Variants in PANK4 observed in about 807,000 individuals in gnomAD.
PANK4 encodes pantothenate kinase 4 (inactive), also known as 4'-phosphopantetheine phosphatase.
Under a neutral mutation model 87.9 loss-of-function variants are expected in PANK4, and 40 were observed. The ratio of observed to expected loss-of-function variants is 0.46; its 90% confidence interval spans 0.35 to 0.59. The LOEUF (loss-of-function observed/expected upper bound fraction) is 0.59, where lower values mean the gene tolerates loss of function less well. PANK4 is among the 20% of genes least tolerant of loss of function. The pLI is 0.00. For missense variants in PANK4, 926 were observed against 1,072.3 expected, an observed-to-expected ratio of 0.86 and a Z score of 1.90; for synonymous variants, 524 against 467.4, an observed-to-expected ratio of 1.12 and a Z score of -1.56.
rs768050088 is a variant in PANK4, at chr1:2,519,178, G to C, written c.1000C>G (p.Arg334Gly). 1.9e-6 allele frequency: 3 copies of C among 1,612,704 alleles called. No individual in the cohort carries two copies. Among genetic ancestry groups the C allele is most frequent in the Non-Finnish European group, 2.5e-6 (3 of 1,179,888 alleles). Reference sequence around the variant, plus strand: ...AAGTTGATGCTATAGGTGATGGTGCGCATGGTCACGGGGTGGCCCCGGATA... The same window carrying C: ...AAGTTGATGCTATAGGTGATGGTGCCCATGGTCACGGGGTGGCCCCGGATA... ...FFIRGHPVTM[R>G]TITYSINFFS... The change falls in exon 7 of 19, where the codon CGC becomes GGC. Residue 334 changes from arginine (R) to glycine (G), a missense_variant. Physicochemically the swap from Arg to Gly is moderately radical, Grantham distance 125 (BLOSUM62 -2). Transcript: ENST00000378466. This position sits in a 1 kb window ranked among gnomAD's most constrained non-coding sequence, Gnocchi z 8.3.
At position 2,508,630 on chromosome 1, in the gene PANK4, A is replaced by ATAT; in HGVS notation, c.*216_*217insATA. On this transcript the variant is annotated 3_prime_UTR_variant, in exon 19 of 19. Transcript: ENST00000378466. This position sits in a 1 kb window ranked among gnomAD's most constrained non-coding sequence, Gnocchi z 5.1. ...TCTCTATTTATATATATATATATAT[A>ATAT]AAAGGTTCTTTAGCAGTTAAATAGA... 6.4e-5 allele frequency: 22 copies of ATAT among 342,110 alleles called. No homozygotes were observed. The highest frequency in any genetic ancestry group is 1.3e-4 in the South Asian group (2 of 15,186). The allele number at this position is 342,110 out of a possible 1,614,324, so 21.2% of individuals were successfully genotyped here.
In PANK4 at chr1:2,520,342, C is replaced by T. The variant is rs746764869; in HGVS notation, c.679G>A (p.Ala227Thr). 2.0e-5 allele frequency: 32 copies of T among 1,612,770 alleles called. No individual in the cohort carries two copies. The South Asian group carries it at 2.3e-4, about 12-fold the overall frequency. ...IGGGTFWGLG[A>T]LLTKTKKFDE... ...CATACCTTCGTTTTGGTGAGCAGAG[C>T]GCCAAGCCCCCAGAAGGTGCCGCCT... The change falls in exon 5 of 19, where the codon GCT (alanine) becomes ACT (threonine). Residue 227 changes from alanine to threonine, a missense_variant. By Grantham distance (58) the Ala-to-Thr change is moderately conservative. Transcript: ENST00000378466. The surrounding 1 kb of genome is among the most constrained non-coding windows in gnomAD (Gnocchi z 6.2).
At chr1:2,525,790 C>G (rs1238648709) in intron 1 of PANK4, 1 of 152,320 alleles carries the variant, frequency 6.6e-6, no homozygotes, top group African/African-American at 2.4e-5. Context: ...GAGGCCAGGG[C>G]AGAAGTGCAG....
intron 1 of PANK4, among the ~76,000 whole-genome samples, chr1:2,522,614 G>A (rs1408832422): frequency 3.3e-5 from 5 of 151,740 alleles, no homozygotes; most frequent in Non-Finnish European, 4.4e-5. Context: ...TGAGGCTAGA[G>A]TTGTATTCAT....
chr1:2,516,312 A>T (rs1643775421), intron 9 of PANK4, among the ~76,000 whole-genome samples: 1 of 152,058 alleles, frequency 6.6e-6, no homozygotes, highest in South Asian at 2.1e-4. Flanking sequence ...TCCATGAAGG[A>T]CTATGGCAGG....
chr1:2,521,602 C>CCAGGACACT (rs1557447812), intron 2 of PANK4, 116 bp downstream of exon 2: 1 of 893,466 alleles, frequency 1.1e-6, no homozygotes, highest in East Asian at 2.4e-5. Context: ...CTAGAAACTC[C>CCAGGACACT]CAGGACACTA....
At chr1:2,518,739 A>C in intron 7 of PANK4, 142 bp from the exon 8 acceptor site, 1 of 706,584 alleles carries the variant, frequency 1.4e-6, no homozygotes. Context: ...CATACTTGCC[A>C]GTGGAATCGC....
intron 1 of PANK4, among the ~76,000 whole-genome samples, chr1:2,522,883 T>TAC (rs1643888876): frequency 2.7e-5 from 2 of 73,544 alleles, no homozygotes; most frequent in African/African-American, 1.1e-4. Flanking sequence ...GAGAGCACTG[T>TAC]GTGTGCTATA....
At position 2,517,586 on chromosome 1, in the gene PANK4, C is replaced by G. The variant is rs533779736; in HGVS notation, c.1218+578G>C. 1.8e-4 allele frequency among the ~76,000 whole-genome samples: 27 copies of G among 152,358 alleles called. No homozygotes were observed. The East Asian group carries it at 5.0e-3, about 28-fold the overall frequency. On this transcript the variant is annotated intron_variant, in intron 9 of 18. Coordinates refer to ENST00000378466, the MANE Select transcript of PANK4 (RefSeq NM_018216.4). ...GGGCATCCCGTGGCTGACGCAGGTCCTGGCGGGGGACCCTTCCGGAGCAGC... is the reference window on the plus strand; with the variant it reads ...GGGCATCCCGTGGCTGACGCAGGTCGTGGCGGGGGACCCTTCCGGAGCAGC...
intron 13 of PANK4, 99 bp downstream of exon 13, chr1:2,512,789 T>A (rs1207666895): frequency 9.6e-6 from 12 of 1,244,562 alleles, no homozygotes; most frequent in Non-Finnish European, 1.4e-5. Context: ...AAGCGCCACG[T>A]GACCCCCAAG....
chr1:2,520,241 A>G lies in PANK4; in HGVS notation c.699+81T>C, dbSNP rs1223102707. 1.5e-6 allele frequency: 2 copies of G among 1,343,000 alleles called. No individual in the cohort carries two copies. The highest frequency in any genetic ancestry group is 2.9e-5 in the African/African-American group (2 of 69,618). The allele number at this position is 1,343,000 out of a possible 1,614,324, so 83.2% of individuals were successfully genotyped here. ...AGGGAGGCCCGGAAGCAGCTTTTGC[A>G]CCGCCCAGCTGCAGGCCTTCGGGGG... On this transcript the variant is annotated intron_variant, in intron 5 of 18. Coordinates refer to ENST00000378466, the MANE Select transcript of PANK4 (RefSeq NM_018216.4). The surrounding 1 kb of genome is among the most constrained non-coding windows in gnomAD (Gnocchi z 6.2).
chr1:2,523,425 C>T (rs1031747981), intron 1 of PANK4, among the ~76,000 whole-genome samples: 5 of 152,194 alleles, frequency 3.3e-5, no homozygotes, highest in Admixed American at 6.5e-5. Flanking sequence ...GTAAATAAAT[C>T]GTTTTCTAAA....
chr1:2,511,450 G>A (rs983744422), intron 14 of PANK4, 63 bp from the exon 15 acceptor site: 22 of 1,281,746 alleles, frequency 1.7e-5, no homozygotes, highest in African/African-American at 2.9e-5. Flanking sequence ...AGGGAGACGC[G>A]TCTTCAGGTG....
Position 2,521,787 on chromosome 1 carries a change from G to C in PANK4, c.138C>G (p.Thr46=). ...RFAIDIGGSL[T]KLAYYSTVQH... ...GTACCGTTGAATAGTAGGCCAGCTT[G>C]GTTAACGACCCGCCTGCAGGGGAGA... is the stretch of plus-strand genomic sequence containing the variant. The change falls in exon 2 of 19, where the codon ACC becomes ACG. Residue 46 remains threonine, a synonymous_variant. Transcript: ENST00000378466. 1 of 1,613,918 alleles carries C rather than the reference G, an allele frequency of 6.2e-7. No individual in the cohort carries two copies. Among genetic ancestry groups the C allele is most frequent in the Non-Finnish European group, 8.5e-7 (1 of 1,179,920 alleles).
At chr1:2,514,249 C>T (rs1161676318) in intron 11 of PANK4, 105 bp downstream of exon 11, 3 of 1,141,758 alleles carry the variant, frequency 2.6e-6, no homozygotes, top group African/African-American at 1.5e-5. Flanking sequence ...CACACCCACC[C>T]CCAGCGAGCT....
rs1176876278 is a variant in PANK4, at chr1:2,520,561, G to T, written c.607-147C>A. 9.9e-7 allele frequency: 1 copy of T among 1,010,398 alleles called. No homozygotes were observed. The highest frequency in any genetic ancestry group is 1.5e-6 in the Non-Finnish European group (1 of 674,222). 62.6% of individuals were successfully genotyped at this position (1,010,398 alleles called of 1,614,324 possible). On this transcript the variant is annotated intron_variant, in intron 4 of 18. Coordinates refer to ENST00000378466, the MANE Select transcript of PANK4 (RefSeq NM_018216.4). The surrounding 1 kb of genome is among the most constrained non-coding windows in gnomAD (Gnocchi z 6.2). ...GACTCTCATGGCCAAGCCTGGGGGC[G>T]CTGATGCCCCTCCCACAGAGGCTCT... is the stretch of plus-strand genomic sequence containing the variant.
intron 1 of PANK4, among the ~76,000 whole-genome samples, chr1:2,522,813 A>ATTGTGTGTG (rs1481250791): frequency 1.3e-5 from 2 of 152,016 alleles, no homozygotes. Flanking sequence ...AACGGAGGGC[A>ATTGTGTGTG]CTGGATGGTG....
Position 2,514,482 on chromosome 1 carries a change from G to T in PANK4, c.1375-16C>A. On this transcript the variant is annotated splice_polypyrimidine_tract_variant and intron_variant, in intron 10 of 18. Coordinates refer to ENST00000378466, the MANE Select transcript of PANK4 (RefSeq NM_018216.4). ...GCTTCACTACCTGCCAGCGACAGAA[G>T]GAGGGGGTTAGTCAAGCGCTGGCCC... The T allele has an allele frequency of 1.9e-6, 3 of 1,589,916 alleles. No individual in the cohort carries two copies. Among genetic ancestry groups the T allele is most frequent in the Non-Finnish European group, 2.6e-6 (3 of 1,168,224 alleles).
At chr1:2,524,393 G>A (rs1570553328) in intron 1 of PANK4, among the ~76,000 whole-genome samples, 2 of 152,214 alleles carry the variant, frequency 1.3e-5, no homozygotes, top group Non-Finnish European at 2.9e-5. Flanking sequence ...CACCCTGAGC[G>A]TGGCCTCCCA....
Sources: gnomAD v4.1 joint callset for allele counts (sites outside exome capture counted in the v4.1 genomes callset) on GRCh38, gnomAD v4.1.1 for gene constraint, Gnocchi (gnomAD v3.1) non-coding constraint, MANE v1.5 for transcripts, NCBI Gene and HGNC (gene_info 2026-07-23, HGNC 2026-07-21) for gene names.